CHD9: variants seen among roughly 807,000 people sequenced by gnomAD.
The protein encoded by CHD9 is chromodomain helicase DNA binding protein 9.
A neutral mutation model predicts 316.1 loss-of-function variants in CHD9; 77 were observed. That is an observed-to-expected ratio of 0.24 (90% CI 0.20 to 0.29). The LOEUF (loss-of-function observed/expected upper bound fraction) is 0.29. Ranked by LOEUF, CHD9 falls within the 10% of genes least tolerant of loss-of-function variation. The pLI, the probability that CHD9 is intolerant of heterozygous loss-of-function variation, is 1.00. For missense variants in CHD9, 2,763 were observed against 3,438.1 expected, an observed-to-expected ratio of 0.80 and a Z score of 4.91; for synonymous variants, 1,129 against 1,158.3, an observed-to-expected ratio of 0.97 and a Z score of 0.51.
chr16:53,166,887 A>G (rs1228864919), intron 2 of CHD9, among the ~76,000 whole-genome samples: 3 of 152,176 alleles, frequency 2.0e-5, no homozygotes, highest in Non-Finnish European at 4.4e-5. Context: ...GCCTGAAAAC[A>G]GTACAGGTTT....
At position 53,222,023 on chromosome 16, in the gene CHD9, CTTTT is replaced by C. The variant is rs201154915; in HGVS notation, c.1785-613_1785-610del. 4.8e-5 allele frequency among the ~76,000 whole-genome samples: 7 copies of C among 145,430 alleles called. No homozygotes were observed. In the East Asian group the frequency reaches 1.2e-3, roughly 25 times the overall value. ...TAAAAAACAAATAAGACTTGATTGC[CTTTT>C]TTTTTTTACCTGCTAAATTTATTTA... On this transcript the variant is annotated intron_variant, in intron 3 of 38. Transcript: ENST00000447540.
At chr16:53,264,735 C>T (rs2051484048) in intron 20 of CHD9, among the ~76,000 whole-genome samples, 1 of 152,068 alleles carries the variant, frequency 6.6e-6, no homozygotes, top group Admixed American at 6.6e-5. Flanking sequence ...TGCACGGAGA[C>T]TTGAATGAAG....
rs753910956 is a variant in CHD9, at chr16:53,314,435, A to G, written c.7281A>G (p.Ile2427Met). 2.5e-6 allele frequency: 4 copies of G among 1,588,976 alleles called. No individual in the cohort carries two copies. The Admixed American group carries it at 5.3e-5, about 21-fold the overall frequency. The change falls in exon 35 of 39, where the codon ATA becomes ATG. Residue 2427 changes from isoleucine (I) to methionine (M), a missense_variant. By Grantham distance (10) the Ile-to-Met change is conservative. Around this residue, in one of 15 missense-constraint regions of CHD9, gnomAD observed 663 missense variants for 751.2 expected, o/e 0.88. Coordinates refer to ENST00000447540, the MANE Select transcript of CHD9 (RefSeq NM_001308319.2). ...GTGTGATATTAGACAACCAGCCTAT[A>G]GTCAAAAAAAGGCGAGGAAGGAGGA... ...ANGVILDNQP[I>M]VKKRRGRRKN... is the part of the protein sequence containing the mutation.
At position 53,314,896 on chromosome 16, in the gene CHD9, G is replaced by A; in HGVS notation, c.7436G>A (p.Gly2479Glu). 6.2e-7 allele frequency: 1 copy of A among 1,613,732 alleles called. No individual in the cohort carries two copies. Among genetic ancestry groups the A allele is most frequent in the Non-Finnish European group, 8.5e-7 (1 of 1,179,780 alleles). ...NPALSYTQPQ[G>E]IPDTESPVPV... ...GCACTATCCTATACTCAACCTCAAG[G>A]AATTCCTGATACAGAAAGTCCAGTT... Residue 2479 changes from glycine to glutamate, a missense_variant, in exon 36 of 39, where the codon GGA (glycine) becomes GAA (glutamate). By Grantham distance (98) the Gly-to-Glu change is moderately conservative (BLOSUM62 -2). This residue lies in a region of CHD9 where 663 missense variants were observed against 751.2 expected (regional missense o/e 0.88). Transcript: ENST00000447540.
chr16:53,301,615 C>G (rs1872471688), intron 30 of CHD9, among the ~76,000 whole-genome samples: 1 of 152,042 alleles, frequency 6.6e-6, no homozygotes, highest in East Asian at 1.9e-4. Flanking sequence ...CTCTTCCCAC[C>G]TTGTTTCCTG....
intron 2 of CHD9, among the ~76,000 whole-genome samples, chr16:53,182,149 A>G (rs1291053472): frequency 6.6e-6 from 1 of 152,150 alleles, no homozygotes; most frequent in Middle Eastern, 3.2e-3. Context: ...ATTATGTCAT[A>G]GTATTTGCTT....
At chr16:53,063,486 T>C (rs1318800508) in intron 1 of CHD9, among the ~76,000 whole-genome samples, 1 of 152,106 alleles carries the variant, frequency 6.6e-6, no homozygotes, top group African/African-American at 2.4e-5. Context: ...TCCCTGTATC[T>C]ACTGCCCTTT....
chr16:53,147,913 G>C (rs941780167), intron 1 of CHD9, among the ~76,000 whole-genome samples: 34 of 151,984 alleles, frequency 2.2e-4, no homozygotes, highest in Non-Finnish European at 3.7e-4. Context: ...TTAAATGTTT[G>C]CTTATTTAGG....
At chr16:53,094,546 A>AAC (rs1163715159) in intron 1 of CHD9, among the ~76,000 whole-genome samples, 6 of 152,186 alleles carry the variant, frequency 3.9e-5, no homozygotes, top group East Asian at 1.9e-4. Flanking sequence ...TCCTCCTGGA[A>AAC]ACACACACAC....
At chr16:53,076,132 C>A (rs1292225382) in intron 1 of CHD9, among the ~76,000 whole-genome samples, 1 of 152,090 alleles carries the variant, frequency 6.6e-6, no homozygotes, top group Non-Finnish European at 1.5e-5. Flanking sequence ...TGTAGGAGTT[C>A]TCTGTATCTT....
chr16:53,231,339 T>A, intron 8 of CHD9, 80 bp from the exon 9 acceptor site: 1 of 744,556 alleles, frequency 1.3e-6, no homozygotes. Flanking sequence ...AGGTCTATAG[T>A]GAAATGCTAG....
At chr16:53,267,903 T>C in intron 21 of CHD9, 24 bp from the exon 22 acceptor site, 1 of 1,598,794 alleles carries the variant, frequency 6.3e-7, no homozygotes, top group Non-Finnish European at 8.6e-7. Context: ...TCAATATCAA[T>C]GTAACTATAC....
At chr16:53,285,439 C>T (rs1456769292) in intron 24 of CHD9, among the ~76,000 whole-genome samples, 157 bp from the exon 25 acceptor site, 5 of 150,746 alleles carry the variant, frequency 3.3e-5, no homozygotes, top group East Asian at 2.0e-4. Flanking sequence ...TGCACAATTT[C>T]GTAATTTTAA....
chr16:53,251,852 G>A (rs1041078266), intron 17 of CHD9, among the ~76,000 whole-genome samples: 2 of 151,982 alleles, frequency 1.3e-5, no homozygotes, highest in Admixed American at 6.6e-5. Flanking sequence ...TTTACCTTGG[G>A]TGGTTTTTTT....
At chr16:53,248,159 C>A in intron 16 of CHD9, 1 of 135,796 alleles carries the variant, frequency 7.4e-6, no homozygotes, top group Non-Finnish European at 1.6e-5. Flanking sequence ...ACCCACGTCT[C>A]TACTAAAAAA....
chr16:53,254,532 G>A lies in CHD9; in HGVS notation c.3956G>A (p.Arg1319Gln), dbSNP rs2050411657. Residue 1319 changes from arginine to glutamine, a missense_variant, in exon 18 of 39, where the codon CGA becomes CAA. Coordinates refer to ENST00000447540, the MANE Select transcript of CHD9 (RefSeq NM_001308319.2). ...RNSYEREMFDRASLKLGLDKA... is the reference protein window; with the variant it reads ...RNSYEREMFDQASLKLGLDKA... Reference sequence around the variant, plus strand: ...TCATATGAGAGAGAGATGTTTGACCGAGCCAGTTTGAAACTGGGCCTAGAT... The same window carrying A: ...TCATATGAGAGAGAGATGTTTGACCAAGCCAGTTTGAAACTGGGCCTAGAT... The A allele has an allele frequency of 6.2e-6, 10 of 1,612,896 alleles. No individual in the cohort carries two copies. Among genetic ancestry groups the A allele is most frequent in the South Asian group, 1.1e-5 (1 of 90,780 alleles).
Position 53,109,095 on chromosome 16 carries a change from G to C in CHD9, c.-164-46831G>C, listed in dbSNP as rs1267447500. ...ACTGCTGGAAAGCAGGGATCGAGCA[G>C]CTCCTTAAGAATGGTTCCTATCTCT... On this transcript the variant is annotated intron_variant, in intron 1 of 38. Transcript: ENST00000447540. 2.6e-5 allele frequency among the ~76,000 whole-genome samples: 4 copies of C among 152,102 alleles called. No homozygotes were observed. In the East Asian group the frequency reaches 7.7e-4, roughly 29 times the overall value.
At chr16:53,290,655 G>C (rs150907980) in intron 27 of CHD9, among the ~76,000 whole-genome samples, 84 of 152,222 alleles carry the variant, frequency 5.5e-4, no homozygotes, top group African/African-American at 1.7e-3. Flanking sequence ...ACATTTGCTT[G>C]TAGTCCCAGC....
chr16:53,146,838 T>C (rs971938678), intron 1 of CHD9, among the ~76,000 whole-genome samples: 1 of 151,686 alleles, frequency 6.6e-6, no homozygotes, highest in Non-Finnish European at 1.5e-5. Context: ...TTGTTACACG[T>C]ATTTTACCAC....
Sources: allele counts gnomAD v4.1 joint callset (sites outside exome capture counted in the v4.1 genomes callset), GRCh38; gene constraint gnomAD v4.1.1; regional missense constraint gnomAD v4.1.1; transcripts MANE v1.5; gene names NCBI Gene and HGNC (gene_info 2026-07-23, HGNC 2026-07-21).